The following GALNTL6 variants were observed in gnomAD, a reference collection of about 807,000 sequenced individuals.
The protein encoded by GALNTL6 is polypeptide N-acetylgalactosaminyltransferase like 6.
GALNTL6 carries 46 observed loss-of-function variants against 73.7 expected under a neutral mutation model. The observed-to-expected ratio is 0.62, with a 90% confidence interval of 0.49 to 0.80. GALNTL6 has a LOEUF of 0.80. GALNTL6 is among the 30% of genes least tolerant of loss of function. The pLI is 0.00. For synonymous variants in GALNTL6, 259 were observed against 263.7 expected, an observed-to-expected ratio of 0.98 and a Z score of 0.17; for missense variants, 604 against 755.0, an observed-to-expected ratio of 0.80 and a Z score of 2.34.
intron 3 of GALNTL6, among the ~76,000 whole-genome samples, chr4:172,291,388 T>C (rs1050443640): frequency 3.3e-5 from 5 of 152,080 alleles, no homozygotes; most frequent in African/African-American, 1.2e-4. Flanking sequence ...ACTTTATAAA[T>C]TACACATGGA....
intron 4 of GALNTL6, among the ~76,000 whole-genome samples, chr4:172,343,406 T>C (rs1215424896): frequency 6.6e-6 from 1 of 152,180 alleles, no homozygotes; most frequent in Admixed American, 6.5e-5. Flanking sequence ...ATATAAACAT[T>C]GACATTGTTG....
intron 5 of GALNTL6, among the ~76,000 whole-genome samples, chr4:172,509,658 T>C (rs13119298): frequency 0.67 from 36,520 of 54,762 alleles, 17,710 homozygotes; most frequent in Non-Finnish European, 0.99. Context: ...TTCTTCTACA[T>C]GTGGCTAGCC....
chr4:172,174,462 C>T (rs147916638), intron 2 of GALNTL6, among the ~76,000 whole-genome samples: 93 of 152,168 alleles, frequency 6.1e-4, no homozygotes, highest in African/African-American at 2.1e-3. Flanking sequence ...TCACTGGGCA[C>T]ACTGTGCTTT....
chr4:172,749,439 T>C (rs1737300978), intron 5 of GALNTL6, among the ~76,000 whole-genome samples: 1 of 152,122 alleles, frequency 6.6e-6, no homozygotes, highest in Non-Finnish European at 1.5e-5. Context: ...CATCCATTCC[T>C]CTCTCCATTT....
chr4:172,532,600 T>A (rs1012013103), intron 5 of GALNTL6, among the ~76,000 whole-genome samples: 7 of 152,220 alleles, frequency 4.6e-5, no homozygotes, highest in Admixed American at 4.6e-4. Flanking sequence ...GTATTTTTGG[T>A]TTAGATTCAT....
intron 3 of GALNTL6, among the ~76,000 whole-genome samples, chr4:172,264,336 A>G (rs1046108790): frequency 6.6e-6 from 1 of 150,924 alleles, no homozygotes; most frequent in Non-Finnish European, 1.5e-5. Context: ...AAACTTATCT[A>G]CACATTACCC....
intron 2 of GALNTL6, among the ~76,000 whole-genome samples, chr4:172,076,215 A>C (rs1187692351): frequency 6.6e-6 from 1 of 152,214 alleles, no homozygotes; most frequent in African/African-American, 2.4e-5. Flanking sequence ...TCTCTGCTGC[A>C]TATTAAACAT....
intron 7 of GALNTL6, among the ~76,000 whole-genome samples, chr4:172,879,970 C>T (rs921072500): frequency 6.6e-6 from 1 of 151,998 alleles, no homozygotes; most frequent in African/African-American, 2.4e-5. Flanking sequence ...CCACTACACA[C>T]CTATTATCAT....
At chr4:171,897,669 G>C (rs1329288970) in intron 2 of GALNTL6, among the ~76,000 whole-genome samples, 1 of 151,474 alleles carries the variant, frequency 6.6e-6, no homozygotes, top group Admixed American at 6.6e-5. Context: ...TTCTTTTTTC[G>C]AGACGGAGTC....
intron 5 of GALNTL6, among the ~76,000 whole-genome samples, chr4:172,353,928 A>G (rs1381253583): frequency 6.6e-6 from 1 of 152,172 alleles, no homozygotes; most frequent in Non-Finnish European, 1.5e-5. Flanking sequence ...TCTATTTTAC[A>G]CAAATAGTCT....
At chr4:172,626,993 C>G (rs531998960) in intron 5 of GALNTL6, among the ~76,000 whole-genome samples, 1 of 152,160 alleles carries the variant, frequency 6.6e-6, no homozygotes, top group East Asian at 1.9e-4. Flanking sequence ...ATATTTATAT[C>G]TCTTGCCTGA....
rs574218601 is a variant in GALNTL6, at chr4:172,908,508, G to A, written c.1042-22653G>A. ...AAGCAGGGGGGAAATTTTCTATTAG[G>A]TAATATGACCTGCCTAAATAATGCA... On this transcript the variant is annotated intron_variant, in intron 8 of 12. Transcript: ENST00000506823. Among the ~76,000 whole-genome samples, 7 of 151,756 alleles carry A rather than the reference G, an allele frequency of 4.6e-5. No homozygotes were observed. The South Asian group carries it at 1.0e-3, about 23-fold the overall frequency.
intron 5 of GALNTL6, among the ~76,000 whole-genome samples, chr4:172,642,928 C>A (rs1269317349): frequency 6.6e-6 from 1 of 151,262 alleles, no homozygotes; most frequent in Non-Finnish European, 1.5e-5. Flanking sequence ...AGCCTCAGAC[C>A]CCTTATTTTC....
rs147842362 is a variant in GALNTL6 at position 172,279,627 on chromosome 4, G to A, written c.248-31987G>A. Among the ~76,000 whole-genome samples, 983 of 152,244 alleles carry A rather than the reference G, an allele frequency of 6.5e-3. 10 individuals are homozygous for A. The highest frequency in any genetic ancestry group is 0.023 in the African/African-American group (942 of 41,550). ...TGTGCACTGCCCTGTTGCTGGGAAT[G>A]TAAAATGGTGCAATCACTAGGCAAA... On this transcript the variant is annotated intron_variant, in intron 3 of 12. Transcript: ENST00000506823.
chr4:171,882,497 T>A (rs1736476198), intron 2 of GALNTL6, among the ~76,000 whole-genome samples: 1 of 152,164 alleles, frequency 6.6e-6, no homozygotes, highest in Non-Finnish European at 1.5e-5. Flanking sequence ...AGGAAGCCAG[T>A]GATGGATCAG....
At chr4:171,940,308 G>C (rs550170155) in intron 2 of GALNTL6, among the ~76,000 whole-genome samples, 7 of 147,220 alleles carry the variant, frequency 4.8e-5, no homozygotes, top group African/African-American at 1.9e-4. Context: ...AATGGGGAGG[G>C]GATGCAAATA....
At chr4:172,983,671 GACA>G (rs541637984) in intron 10 of GALNTL6, among the ~76,000 whole-genome samples, 23 of 152,214 alleles carry the variant, frequency 1.5e-4, no homozygotes, top group South Asian at 8.3e-4. Flanking sequence ...CTCCAGCCTG[GACA>G]ACAAGTGCAA....
intron 5 of GALNTL6, among the ~76,000 whole-genome samples, chr4:172,777,714 A>T (rs1329329254): frequency 6.6e-6 from 1 of 152,226 alleles, no homozygotes; most frequent in African/African-American, 2.4e-5. Flanking sequence ...TGTAAAAATA[A>T]GTAGAGACTT....
intron 5 of GALNTL6, among the ~76,000 whole-genome samples, chr4:172,707,401 T>C (rs1047952515): frequency 1.4e-4 from 22 of 152,300 alleles, no homozygotes; most frequent in Admixed American, 4.6e-4. Context: ...ACAAGTATAG[T>C]CCTGCCACTA....
Sources: allele counts gnomAD v4.1 joint callset (sites outside exome capture counted in the v4.1 genomes callset), GRCh38; gene constraint gnomAD v4.1.1; transcripts MANE v1.5; gene names NCBI Gene and HGNC (gene_info 2026-07-23, HGNC 2026-07-21).